Variants in RPF1 observed in about 807,000 individuals in gnomAD.
RPF1 encodes ribosome production factor 1 homolog.
Under a neutral mutation model 41.9 loss-of-function variants are expected in RPF1, and 34 were observed. The observed-to-expected ratio is 0.81, with a 90% CI of 0.62 to 1.08. The LOEUF (loss-of-function observed/expected upper bound fraction) is 1.08. Among genes scored for constraint, RPF1 ranks in the 50% least tolerant of loss-of-function variants. RPF1 has a pLI of 0.00. For missense variants in RPF1, 425 were observed against 435.2 expected (o/e 0.98, Z 0.21); for synonymous variants, 140 against 148.9 (o/e 0.94, Z 0.43).
rs1303548526 is a variant in RPF1 at position 84,490,458 on chromosome 1, A to G, written c.602A>G (p.Asp201Gly). ...ACAGACCTGATTGTTATTAATGAAGATCGTAAAACCCCAAGTATCCTTTTT... is the reference window on the plus strand; with the variant it reads ...ACAGACCTGATTGTTATTAATGAAGGTCGTAAAACCCCAAGTATCCTTTTT... ...DFTDLIVINEDRKTPNGLILS... is the reference protein window; with the variant it reads ...DFTDLIVINEGRKTPNGLILS... The change falls in exon 5 of 9, where the codon GAT becomes GGT. Residue 201 changes from aspartate (D) to glycine (G), a missense_variant. Physicochemically the swap from Asp to Gly is moderately conservative, Grantham distance 94. Coordinates refer to ENST00000370654, the MANE Select transcript of RPF1 (RefSeq NM_025065.7). 2 of 1,590,470 alleles carry G rather than the reference A, an allele frequency of 1.3e-6. No individual in the cohort carries two copies. The highest frequency in any genetic ancestry group is 2.3e-5 in the East Asian group (1 of 44,434).
intron 5 of RPF1, among the ~76,000 whole-genome samples, chr1:84,491,681 G>A (rs1681837855): frequency 6.6e-6 from 1 of 152,082 alleles, no homozygotes; most frequent in Admixed American, 6.5e-5. Context: ...CCACAAAGTG[G>A]CAAGGTCTGT....
intron 3 of RPF1, among the ~76,000 whole-genome samples, chr1:84,488,271 T>C (rs937827766): frequency 6.6e-6 from 1 of 152,132 alleles, no homozygotes; most frequent in South Asian, 2.1e-4. Flanking sequence ...AATAGTGAAA[T>C]GTATTTCATG....
intron 6 of RPF1, 114 bp from the exon 7 acceptor site, chr1:84,495,768 T>C: frequency 1.5e-6 from 1 of 666,174 alleles, no homozygotes; most frequent in Non-Finnish European, 2.5e-6. Context: ...AGTTTGTCAC[T>C]AAAAAATACA....
chr1:84,489,755 T>G (rs774959954), intron 4 of RPF1, 27 bp downstream of exon 4: 136 of 1,261,470 alleles, frequency 1.1e-4, no homozygotes, highest in Non-Finnish European at 1.5e-4. Flanking sequence ...ATTTAGTTCT[T>G]GAATTCTTAA....
Position 84,479,457 on chromosome 1 carries a change from A to G in RPF1, c.176A>G (p.Asn59Ser). 6.2e-7 allele frequency: 1 copy of G among 1,614,250 alleles called. No homozygotes were observed. The highest frequency in any genetic ancestry group is 8.5e-7 in the Non-Finnish European group (1 of 1,180,046). The change falls in exon 1 of 9, where the codon AAC becomes AGC. Residue 59 changes from asparagine to serine, a missense_variant. By Grantham distance (46) the Asn-to-Ser change is conservative. Transcript: ENST00000370654. ...GGCTTTAGCATTTCGGAGATTAAAA[A>G]CAAACAGCGGCGACACTTAATGTTC... ...PPGFSISEIK[N>S]KQRRHLMFTR... is the part of the protein sequence containing the mutation.
intron 2 of RPF1, among the ~76,000 whole-genome samples, chr1:84,481,780 G>A (rs1466221824): frequency 6.6e-6 from 1 of 151,850 alleles, no homozygotes; most frequent in East Asian, 1.9e-4. Flanking sequence ...ATTTATTTTT[G>A]CAAAATTTTG....
At chr1:84,492,034 G>A (rs1681842964) in intron 5 of RPF1, among the ~76,000 whole-genome samples, 1 of 152,084 alleles carries the variant, frequency 6.6e-6, no homozygotes, top group Non-Finnish European at 1.5e-5. Flanking sequence ...GTTGGTGCAT[G>A]CCTGTAATCC....
intron 2 of RPF1, among the ~76,000 whole-genome samples, chr1:84,481,289 T>A (rs958199787): frequency 6.6e-6 from 1 of 152,238 alleles, no homozygotes; most frequent in Non-Finnish European, 1.5e-5. Context: ...CATGCACTTC[T>A]TTTACCTTTA....
chr1:84,489,048 A>T (rs773377409), intron 3 of RPF1, among the ~76,000 whole-genome samples: 8 of 151,194 alleles, frequency 5.3e-5, no homozygotes, highest in Non-Finnish European at 7.4e-5. Flanking sequence ...TTGTTTTCTA[A>T]TTCATTTATA....
chr1:84,489,023 G>A (rs535689259), intron 3 of RPF1, among the ~76,000 whole-genome samples: 1 of 151,710 alleles, frequency 6.6e-6, no homozygotes, highest in South Asian at 2.1e-4. Context: ...TTTCTTCTTT[G>A]ATCCTGTTGA....
intron 5 of RPF1, among the ~76,000 whole-genome samples, chr1:84,494,307 A>G (rs1357051391): frequency 1.3e-5 from 2 of 152,224 alleles, no homozygotes; most frequent in Non-Finnish European, 2.9e-5. Flanking sequence ...GAGAGGGAGA[A>G]GCTGAAGATA....
At chr1:84,480,352 G>A (rs1471380197) in intron 1 of RPF1, among the ~76,000 whole-genome samples, 1 of 151,974 alleles carries the variant, frequency 6.6e-6, no homozygotes, top group Non-Finnish European at 1.5e-5. Context: ...AGGTGCTGGG[G>A]AAAAAAGAAT....
chr1:84,486,339 G>A (rs2101883985), intron 3 of RPF1, among the ~76,000 whole-genome samples: 1 of 152,200 alleles, frequency 6.6e-6, no homozygotes, highest in East Asian at 1.9e-4. Context: ...TGTAATCCCA[G>A]CACTTTGGGA....
chr1:84,480,295 T>C (rs570766646), intron 1 of RPF1, among the ~76,000 whole-genome samples: 93 of 152,182 alleles, frequency 6.1e-4, no homozygotes, highest in Non-Finnish European at 1.2e-3. Context: ...GGAAGACTTA[T>C]TGGAGCTATG....
At chr1:84,490,129 T>A (rs1681805848) in intron 4 of RPF1, among the ~76,000 whole-genome samples, 190 bp from the exon 5 acceptor site, 1 of 152,140 alleles carries the variant, frequency 6.6e-6, no homozygotes, top group Non-Finnish European at 1.5e-5. Flanking sequence ...TCGCCCCTAA[T>A]TGAGAACCAC....
intron 4 of RPF1, 106 bp from the exon 5 acceptor site, chr1:84,490,213 C>T (rs1681807079): frequency 1.4e-6 from 1 of 728,324 alleles, no homozygotes; most frequent in African/African-American, 1.9e-5. Flanking sequence ...ATGTTGCTTT[C>T]TATTAATCAT....
In RPF1 at chr1:84,497,580, C is replaced by T. The variant is rs1023777312; in HGVS notation, c.*110C>T. ...AAATGGCATTTGCTGATTTCATAAA[C>T]CTTTCACGTCTGGACGAATTACCAA... On this transcript the variant is annotated 3_prime_UTR_variant, in exon 9 of 9. Coordinates refer to ENST00000370654, the MANE Select transcript of RPF1 (RefSeq NM_025065.7). 6.9e-6 allele frequency: 5 copies of T among 722,370 alleles called. No homozygotes were observed. In the South Asian group the frequency reaches 7.1e-5, roughly 10 times the overall value. 44.7% of individuals were successfully genotyped at this position (722,370 alleles called of 1,614,324 possible).
chr1:84,493,610 A>C (rs1681876607), intron 5 of RPF1, among the ~76,000 whole-genome samples: 1 of 152,034 alleles, frequency 6.6e-6, no homozygotes, highest in African/African-American at 2.4e-5. Flanking sequence ...CAAAAGAAAA[A>C]AATTCCCATC....
Position 84,479,270 on chromosome 1 carries a change from G to A in RPF1, c.-12G>A, listed in dbSNP as rs1214562108. The stretch of plus-strand genomic sequence containing the variant: ...ATTTCCGTTTCCGTACGGAAGCAAA[G>A]GAGCCAAGACCATGGCGAAAGCCGG... On this transcript the variant is annotated 5_prime_UTR_variant, in exon 1 of 9. Coordinates refer to ENST00000370654, the MANE Select transcript of RPF1 (RefSeq NM_025065.7). 6.4e-7 allele frequency: 1 copy of A among 1,565,192 alleles called. No homozygotes were observed. The highest frequency in any genetic ancestry group is 8.6e-7 in the Non-Finnish European group (1 of 1,158,858).
Sources: allele counts gnomAD v4.1 joint callset (sites outside exome capture counted in the v4.1 genomes callset), GRCh38; gene constraint gnomAD v4.1.1; transcripts MANE v1.5; gene names NCBI Gene and HGNC (gene_info 2026-07-23, HGNC 2026-07-21).